Variants in SYNE1 observed in about 807,000 individuals in gnomAD.
The protein encoded by SYNE1 is spectrin repeat containing nuclear envelope protein 1, also known as nesprin-1.
SYNE1 carries 616 observed loss-of-function variants against 1,111.0 expected under a neutral mutation model. The ratio of observed to expected loss-of-function variants is 0.55; its 90% CI spans 0.52 to 0.59. SYNE1 has a LOEUF of 0.59. Ranked by LOEUF, SYNE1 falls within the 20% of genes least tolerant of loss-of-function variation. The pLI, the probability that SYNE1 is intolerant of heterozygous loss-of-function variation, is 0.00. For synonymous variants in SYNE1, 3,855 were observed against 3,825.8 expected, an observed-to-expected ratio of 1.01 and a Z score of -0.28; for missense variants, 10,006 against 10,417.0, an observed-to-expected ratio of 0.96 and a Z score of 1.72.
At chr6:152,320,816 C>G (rs1391741278) in intron 84 of SYNE1, among the ~76,000 whole-genome samples, 1 of 152,162 alleles carries the variant, frequency 6.6e-6, no homozygotes, top group African/African-American at 2.4e-5. Flanking sequence ...TCATCCCTGC[C>G]TTGATCTTAT....
intron 144 of SYNE1, 117 bp downstream of exon 144, chr6:152,132,005 G>C (rs2055853803): frequency 1.1e-6 from 1 of 881,282 alleles, no homozygotes; most frequent in Non-Finnish European, 1.9e-6. Flanking sequence ...GCTACCCTGT[G>C]TGACAGCCCT....
In SYNE1 at chr6:152,472,424, GTT is replaced by G. The variant is rs1372104513; in HGVS notation, c.1351-13_1351-12del. On this transcript the variant is annotated splice_polypyrimidine_tract_variant and intron_variant, in intron 14 of 145. Coordinates refer to ENST00000367255, the MANE Select transcript of SYNE1 (RefSeq NM_182961.4). ...GTTTTGAAGCAGATCCTAAGATACAGTTTAAAAAAAAATAAAAAATGAAAAAC... is the reference window on the plus strand; with the variant it reads ...GTTTTGAAGCAGATCCTAAGATACAGTAAAAAAAAATAAAAAATGAAAAAC... The G allele has an allele frequency of 6.2e-7, 1 of 1,602,052 alleles. No individual in the cohort carries two copies.
At chr6:152,259,215 T>G (rs1406612999) in intron 101 of SYNE1, among the ~76,000 whole-genome samples, 1 of 152,216 alleles carries the variant, frequency 6.6e-6, no homozygotes, top group African/African-American at 2.4e-5. Flanking sequence ...CTTTTGACTA[T>G]TTTTTCTTAA....
intron 39 of SYNE1, among the ~76,000 whole-genome samples, chr6:152,421,030 G>A (rs572393489): frequency 6.6e-6 from 1 of 152,314 alleles, no homozygotes; most frequent in African/African-American, 2.4e-5. Flanking sequence ...GCTTTGACTG[G>A]AATGGCATAT....
At chr6:152,521,125 A>G (rs1239576927) in intron 5 of SYNE1, among the ~76,000 whole-genome samples, 2 of 152,158 alleles carry the variant, frequency 1.3e-5, no homozygotes, top group South Asian at 2.1e-4. Flanking sequence ...TTTTAATTTT[A>G]TATGAAGAGC....
At chr6:152,152,993 TA>T (rs1366198605) in intron 133 of SYNE1, among the ~76,000 whole-genome samples, 1 of 152,028 alleles carries the variant, frequency 6.6e-6, no homozygotes, top group African/African-American at 2.4e-5. Context: ...AATGAAGCTT[TA>T]AAAAAAATCA....
intron 16 of SYNE1, among the ~76,000 whole-genome samples, chr6:152,470,277 T>G (rs1455642775): frequency 6.6e-6 from 1 of 152,186 alleles, no homozygotes; most frequent in Non-Finnish European, 1.5e-5. Context: ...TCTTATTAGC[T>G]GTTTAAATCT....
rs2099690746 is a variant in SYNE1 at position 152,628,553 on chromosome 6, ACCTG to A, written c.-223-3_-223del. 5.4e-6 allele frequency: 3 copies of A among 556,978 alleles called. No individual in the cohort carries two copies. Among genetic ancestry groups the A allele is most frequent in the Non-Finnish European group, 6.4e-6 (2 of 313,656 alleles). The allele number at this position is 556,978 out of a possible 1,614,324, so 34.5% of individuals were successfully genotyped here. A position where few individuals can be genotyped will look rare whatever the true frequency, so the allele number is the denominator to read the frequency against. Reference sequence around the variant, plus strand: ...ACTGTCCTCTTACATGAACTCAAGAACCTGAAAAACAAAAAAGAAAAGGTACAAC... The same window carrying A: ...ACTGTCCTCTTACATGAACTCAAGAAAAAAACAAAAAAGAAAAGGTACAAC... On this transcript the variant is annotated splice_acceptor_variant and splice_polypyrimidine_tract_variant and 5_prime_UTR_variant and intron_variant, in exon 3 of 146. Coordinates refer to ENST00000367255, the MANE Select transcript of SYNE1 (RefSeq NM_182961.4). LOFTEE classifies it low-confidence loss of function (5UTR_SPLICE).
chr6:152,132,324 CA>C, intron 143 of SYNE1, 110 bp from the exon 144 acceptor site: 1 of 941,626 alleles, frequency 1.1e-6, no homozygotes, highest in South Asian at 1.3e-5. Context: ...ATGTCTCCAC[CA>C]TAAAAATCAA....
chr6:152,604,820 G>A (rs923507951), intron 3 of SYNE1, among the ~76,000 whole-genome samples: 24 of 150,566 alleles, frequency 1.6e-4, no homozygotes, highest in African/African-American at 5.6e-4. Context: ...TGGGTGTGGT[G>A]GTGTGTGCCT....
At chr6:152,153,643 C>T (rs938588689) in intron 133 of SYNE1, among the ~76,000 whole-genome samples, 2 of 152,150 alleles carry the variant, frequency 1.3e-5, no homozygotes, top group African/African-American at 2.4e-5. Flanking sequence ...AGCAGCTCTC[C>T]ACTAGCATTC....
chr6:152,344,044 T>A (rs1433427235), intron 74 of SYNE1, 37 bp downstream of exon 74: 1 of 1,613,840 alleles, frequency 6.2e-7, no homozygotes, highest in Non-Finnish European at 8.5e-7. Flanking sequence ...CTCTGAATGA[T>A]TCACAAGAAT....
At chr6:152,203,958 A>C (rs1217649451) in intron 126 of SYNE1, among the ~76,000 whole-genome samples, 1 of 152,192 alleles carries the variant, frequency 6.6e-6, no homozygotes, top group Non-Finnish European at 1.5e-5. Flanking sequence ...AACCATAGTG[A>C]GGGTAGACAA....
chr6:152,454,046 C>T (rs953294977), intron 24 of SYNE1, among the ~76,000 whole-genome samples: 27 of 152,326 alleles, frequency 1.8e-4, no homozygotes, highest in Middle Eastern at 3.4e-3. Context: ...GATAGAGCTT[C>T]GGTTCCCCTT....
intron 82 of SYNE1, 24 bp downstream of exon 82, chr6:152,323,454 G>T (rs754045665): frequency 6.2e-7 from 1 of 1,609,288 alleles, no homozygotes; most frequent in Admixed American, 1.7e-5. Context: ...ACAAACAAAA[G>T]AATGAAAGTA....
chr6:152,545,516 G>T (rs2623986), intron 3 of SYNE1, among the ~76,000 whole-genome samples: 29,588 of 152,130 alleles, frequency 0.19, 3,093 homozygotes, highest in Middle Eastern at 0.31. Context: ...GGAGGCAGAG[G>T]TTGCAGTGAG....
intron 78 of SYNE1, among the ~76,000 whole-genome samples, chr6:152,327,555 G>T (rs1166633458): frequency 6.6e-6 from 1 of 152,208 alleles, no homozygotes; most frequent in East Asian, 1.9e-4. Context: ...AAGCGAAGAT[G>T]CATAGAAAAG....
chr6:152,323,436 AC>A (rs774357700), intron 82 of SYNE1, 41 bp downstream of exon 82: 1 of 1,599,730 alleles, frequency 6.3e-7, no homozygotes, highest in Non-Finnish European at 8.5e-7. Flanking sequence ...GAGACTCCAA[AC>A]AAACAAACAA....
chr6:152,275,407 T>A (rs1457067358), intron 98 of SYNE1, among the ~76,000 whole-genome samples: 1 of 152,166 alleles, frequency 6.6e-6, no homozygotes, highest in Non-Finnish European at 1.5e-5. Flanking sequence ...ACGTTTCAAG[T>A]GATTATTTAC....
Sources: gnomAD v4.1 joint callset for allele counts (sites outside exome capture counted in the v4.1 genomes callset) on GRCh38, gnomAD v4.1.1 for gene constraint, MANE v1.5 for transcripts, NCBI Gene and HGNC (gene_info 2026-07-23, HGNC 2026-07-21) for gene names.